Variants in FAM47C observed in about 807,000 individuals in gnomAD.
FAM47C encodes family with sequence similarity 47 member C, also known as putative protein FAM47C.
For synonymous variants in FAM47C, 307 were observed against 346.5 expected (o/e 0.89, Z 1.27); for missense variants, 847 against 879.9 (o/e 0.96, Z 0.47).
In FAM47C at chrX:37,010,791, G is replaced by A. The variant is rs147158965; in HGVS notation, c.2381G>A (p.Arg794His). Reference sequence around the variant, plus strand: ...CTCCACCTGGAGCCTCCCAAGACTCGTCGAGTGTCCAGTCTCCGCCTGGAG... The same window carrying A: ...CTCCACCTGGAGCCTCCCAAGACTCATCGAGTGTCCAGTCTCCGCCTGGAG... ...SSLHLEPPKT[R>H]RVSSLRLEPP... is the part of the protein sequence containing the mutation. Residue 794 changes from arginine to histidine, a missense_variant, in exon 1 of 1, where the codon CGT becomes CAT. By Grantham distance (29) the Arg-to-His change is conservative. Coordinates refer to ENST00000358047, the MANE Select transcript of FAM47C (RefSeq NM_001013736.3). The A allele has an allele frequency of 3.2e-5, 38 of 1,206,102 alleles. No individual in the cohort carries two copies. The highest frequency in any genetic ancestry group is 4.1e-5 in the Non-Finnish European group (37 of 893,689).
Position 37,010,140 on chromosome X carries a change from C to T in FAM47C, c.1730C>T (p.Thr577Ile), listed in dbSNP as rs1325060063. ...MYSLRPEPPD[T>I]GVSHLCPEPP... ...AGTCTCCGCCCGGAGCCTCCCGATA[C>T]TGGAGTGTCCCATCTCTGCCCAGAG... The change falls in exon 1 of 1, where the codon ACT becomes ATT. Residue 577 changes from threonine (T) to isoleucine (I), a missense_variant. Coordinates refer to ENST00000358047, the MANE Select transcript of FAM47C (RefSeq NM_001013736.3). 3 of 1,184,640 alleles carry T rather than the reference C, an allele frequency of 2.5e-6. No homozygotes were observed. The highest frequency in any genetic ancestry group is 2.3e-5 in the Admixed American group (1 of 43,072).
At position 37,010,459 on chromosome X, in the gene FAM47C, A is replaced by T. The variant is rs1208085441; in HGVS notation, c.2049A>T (p.Pro683=). 1 of 1,124,017 alleles carries T rather than the reference A, an allele frequency of 8.9e-7. No homozygotes were observed. Among genetic ancestry groups the T allele is most frequent in the African/African-American group, 2.6e-5 (1 of 38,203 alleles). 92.6% of individuals were successfully genotyped at this position (1,124,017 alleles called of 1,213,427 possible). Residue 683 remains proline (P), a synonymous_variant, in exon 1 of 1, where the codon CCA becomes CCT. Coordinates refer to ENST00000358047, the MANE Select transcript of FAM47C (RefSeq NM_001013736.3). ...TGVSHLCPEP[P]ETRVSHLRPE... The stretch of plus-strand genomic sequence containing the variant: ...TGTCCCATCTCTGCCCGGAGCCTCC[A>T]GAGACTCGCGTATCTCATCTCCGCC...
In FAM47C at chrX:37,010,581, C is replaced by T. The variant is rs781985985; in HGVS notation, c.2171C>T (p.Ser724Phe). ...LHAEPPESRV[S>F]HLCPEPPETG... ...GCGGAGCCTCCTGAGAGTCGCGTAT[C>T]TCATCTCTGCCCGGAGCCTCCTGAG... Residue 724 changes from serine (S) to phenylalanine (F), a missense_variant, in exon 1 of 1, where the codon TCT becomes TTT. Transcript: ENST00000358047. 3 of 1,201,009 alleles carry T rather than the reference C, an allele frequency of 2.5e-6. No homozygotes were observed. Among genetic ancestry groups the T allele is most frequent in the Non-Finnish European group, 3.4e-6 (3 of 892,073 alleles).
Position 37,009,998 on chromosome X carries a change from C to T in FAM47C, c.1588C>T (p.Leu530=). ...TCTCCGCCCAGAGCCTCCCAAGATT[C>T]TGGTGTCCAGTCTCCACCAGGCACC... ...SHLRPEPPKI[L]VSSLHQAPPE... is the part of the protein sequence containing the mutation. Residue 530 remains leucine (L), a synonymous_variant, in exon 1 of 1, where the codon CTG becomes TTG. Transcript: ENST00000358047. 5 of 1,202,256 alleles carry T rather than the reference C, an allele frequency of 4.2e-6. No individual in the cohort carries two copies. In the Admixed American group the frequency reaches 8.9e-5, roughly 21 times the overall value.
Position 37,010,639 on chromosome X carries a change from C to T in FAM47C, c.2229C>T (p.Pro743=). 2 of 1,207,062 alleles carry T rather than the reference C, an allele frequency of 1.7e-6. No individual in the cohort carries two copies. Among genetic ancestry groups the T allele is most frequent in the South Asian group, 1.8e-5 (1 of 56,651 alleles). The change falls in exon 1 of 1, where the codon CCC becomes CCT. Residue 743 remains proline, a synonymous_variant. Coordinates refer to ENST00000358047, the MANE Select transcript of FAM47C (RefSeq NM_001013736.3). ...TGTCCCATCTCCGCCCAGAGCCTCC[C>T]AAGCCTCGGGTTTCCAGTCTCCGCC... The part of the protein sequence containing the change: ...TGVSHLRPEP[P]KPRVSSLRPE...
chrX:37,010,682 C>T lies in FAM47C; in HGVS notation c.2272C>T (p.Arg758Cys), dbSNP rs145545779. ...TCTCCGCCCAGAGCCTCTTGAGACTCGCGTATCTCATCTCCGCCCGGAGCC... is the reference window on the plus strand; with the variant it reads ...TCTCCGCCCAGAGCCTCTTGAGACTTGCGTATCTCATCTCCGCCCGGAGCC... Reference protein sequence around the residue: ...SSLRPEPLETRVSHLRPEPPE... With the variant: ...SSLRPEPLETCVSHLRPEPPE... Residue 758 changes from arginine (R) to cysteine (C), a missense_variant, in exon 1 of 1, where the codon CGC becomes TGC. Transcript: ENST00000358047. 163 of 1,204,825 alleles carry T rather than the reference C, an allele frequency of 1.4e-4. No homozygotes were observed. The East Asian group carries it at 4.1e-3, about 30-fold the overall frequency.
In FAM47C at chrX:37,011,279, T is replaced by C. The variant is rs2146860451; in HGVS notation, c.2869T>C (p.Leu957=). The change falls in exon 1 of 1, where the codon TTG becomes CTG. Residue 957 remains leucine, a synonymous_variant. Coordinates refer to ENST00000358047, the MANE Select transcript of FAM47C (RefSeq NM_001013736.3). The part of the protein sequence containing the change: ...LGKKLRSDEP[L]IDPKLVLEKP... ...GAAAAAGCTAAGAAGTGATGAACCT[T>C]TGATTGACCCCAAGCTCGTACTTGA... 2 of 1,210,329 alleles carry C rather than the reference T, an allele frequency of 1.7e-6. No homozygotes were observed. Among genetic ancestry groups the C allele is most frequent in the East Asian group, 3.0e-5 (1 of 33,836 alleles).
rs782368082 is a variant in FAM47C, at chrX:37,010,283, A to T, written c.1873A>T (p.Thr625Ser). Reference sequence around the variant, plus strand: ...TCATCTCCGCCCAGAGCCTCCTGAGACTGGAGTGTCCCATCTCCGCCCAGA... The same window carrying T: ...TCATCTCCGCCCAGAGCCTCCTGAGTCTGGAGTGTCCCATCTCCGCCCAGA... ...VSHLRPEPPE[T>S]GVSHLRPEPP... The change falls in exon 1 of 1, where the codon ACT becomes TCT. Residue 625 changes from threonine to serine, a missense_variant. By Grantham distance (58) the Thr-to-Ser change is moderately conservative. Coordinates refer to ENST00000358047, the MANE Select transcript of FAM47C (RefSeq NM_001013736.3). The T allele has an allele frequency of 2.2e-5, 26 of 1,174,716 alleles. No homozygotes were observed. The Admixed American group carries it at 6.2e-4, about 28-fold the overall frequency.
chrX:37,010,641 A>C lies in FAM47C; in HGVS notation c.2231A>C (p.Lys744Thr). The change falls in exon 1 of 1, where the codon AAG becomes ACG. Residue 744 changes from lysine (K) to threonine (T), a missense_variant. Transcript: ENST00000358047. ...TCCCATCTCCGCCCAGAGCCTCCCA[A>C]GCCTCGGGTTTCCAGTCTCCGCCCA... ...GVSHLRPEPP[K>T]PRVSSLRPEP... The C allele has an allele frequency of 8.3e-7, 1 of 1,207,201 alleles. No homozygotes were observed. The highest frequency in any genetic ancestry group is 1.1e-6 in the Non-Finnish European group (1 of 894,252).
Position 37,010,300 on chromosome X carries a change from C to G in FAM47C, c.1890C>G (p.Leu630=). 8.4e-7 allele frequency: 1 copy of G among 1,189,361 alleles called. No homozygotes were observed. Among genetic ancestry groups the G allele is most frequent in the Non-Finnish European group, 1.1e-6 (1 of 888,847 alleles). The change falls in exon 1 of 1, where the codon CTC becomes CTG. Residue 630 remains leucine (L), a synonymous_variant. Coordinates refer to ENST00000358047, the MANE Select transcript of FAM47C (RefSeq NM_001013736.3). ...CTCCTGAGACTGGAGTGTCCCATCT[C>G]CGCCCAGAGCCTCCCAAGACTCGGA... is the stretch of plus-strand genomic sequence containing the variant. ...PEPPETGVSH[L]RPEPPKTRMY... is the part of the protein sequence containing the mutation.
At position 37,009,113 on chromosome X, in the gene FAM47C, C is replaced by G; in HGVS notation, c.703C>G (p.His235Asp). ...TCCCAAGACTCAGGTGTCCAGTCTC[C>G]ACCTGGAGCCTCCAGAGACTGGAGT... The part of the protein sequence containing the change: ...QPPKTQVSSL[H>D]LEPPETGVSH... The change falls in exon 1 of 1, where the codon CAC becomes GAC. Residue 235 changes from histidine (H) to aspartate (D), a missense_variant. Transcript: ENST00000358047. 8.3e-7 allele frequency: 1 copy of G among 1,209,814 alleles called. No homozygotes were observed. Among genetic ancestry groups the G allele is most frequent in the Non-Finnish European group, 1.1e-6 (1 of 894,718 alleles).
Position 37,008,812 on chromosome X carries a change from C to T in FAM47C, c.402C>T (p.Tyr134=), listed in dbSNP as rs782142057. The change falls in exon 1 of 1, where the codon TAC becomes TAT. Residue 134 remains tyrosine (Y), a synonymous_variant. Transcript: ENST00000358047. ...QLMTKHPLAM[Y]PNLGEDMPPD... ...TGACCAAGCATCCCTTGGCCATGTA[C>T]CCCAATCTGGGAGAAGATATGCCTC... 1.7e-6 allele frequency: 2 copies of T among 1,211,542 alleles called. No homozygotes were observed. Among genetic ancestry groups the T allele is most frequent in the South Asian group, 1.8e-5 (1 of 56,900 alleles).
rs781793758 is a variant in FAM47C, at chrX:37,009,331, C to T, written c.921C>T (p.Cys307=). 5.0e-6 allele frequency: 6 copies of T among 1,209,049 alleles called. No individual in the cohort carries two copies. In the South Asian group the frequency reaches 1.1e-4, roughly 21 times the overall value. The change falls in exon 1 of 1, where the codon TGC becomes TGT. Residue 307 remains cysteine, a synonymous_variant. Coordinates refer to ENST00000358047, the MANE Select transcript of FAM47C (RefSeq NM_001013736.3). ...CTGAGACTGGAGTGCCTGATCTCTG[C>T]CTGGAGCCTCCCAAGTCACGCGTAT... ...EPPETGVPDL[C]LEPPKSRVSH... is the part of the protein sequence containing the mutation.
chrX:37,009,014 C>G lies in FAM47C; in HGVS notation c.604C>G (p.Pro202Ala). 8.3e-7 allele frequency: 1 copy of G among 1,211,772 alleles called. No individual in the cohort carries two copies. The highest frequency in any genetic ancestry group is 1.1e-6 in the Non-Finnish European group (1 of 895,361). Residue 202 changes from proline to alanine, a missense_variant, in exon 1 of 1, where the codon CCT becomes GCT. By Grantham distance (27) the Pro-to-Ala change is conservative. Transcript: ENST00000358047. ...TCGGGTGTCCTGTCTCCCCCCGGAG[C>G]CTCCCAAGACTCCGGTGTCCAGTCT... The part of the protein sequence containing the change: ...ETRVSCLPPE[P>A]PKTPVSSLRP...
chrX:37,011,320 C>G lies in FAM47C; in HGVS notation c.2910C>G (p.Pro970=), dbSNP rs41311787. The G allele has an allele frequency of 6.7e-3, 8,108 of 1,208,426 alleles. 28 individuals are homozygous for G. The highest frequency in any genetic ancestry group is 8.0e-3 in the Non-Finnish European group (7,183 of 894,571). ...PKLVLEKPDE[P]DILDGLYGPI... is the part of the protein sequence containing the mutation. ...TCGTACTTGAAAAGCCTGATGAACC[C>G]GACATTCTTGACGGTCTTTATGGAC... The change falls in exon 1 of 1, where the codon CCC becomes CCG. Residue 970 remains proline (P), a synonymous_variant. Coordinates refer to ENST00000358047, the MANE Select transcript of FAM47C (RefSeq NM_001013736.3).
Position 37,009,830 on chromosome X carries a change from C to A in FAM47C, c.1420C>A (p.Leu474Ile), listed in dbSNP as rs150397226. 1,016 of 1,202,581 alleles carry A rather than the reference C, an allele frequency of 8.4e-4. 3 individuals are homozygous for A. The African/African-American group carries it at 0.016, about 19-fold the overall frequency. ...LEPPETGVSH[L>I]CPEPPEKDVS... Reference sequence around the variant, plus strand: ...GCCTCCTGAGACTGGAGTGTCCCATCTCTGCCCGGAGCCTCCAGAGAAGGA... The same window carrying A: ...GCCTCCTGAGACTGGAGTGTCCCATATCTGCCCGGAGCCTCCAGAGAAGGA... Residue 474 changes from leucine (L) to isoleucine (I), a missense_variant, in exon 1 of 1, where the codon CTC (leucine) becomes ATC (isoleucine). By Grantham distance (5) the Leu-to-Ile change is conservative. Coordinates refer to ENST00000358047, the MANE Select transcript of FAM47C (RefSeq NM_001013736.3).
rs1556331968 is a variant in FAM47C, at chrX:37,009,289, T to A, written c.879T>A (p.His293Gln). 1 of 1,209,026 alleles carries A rather than the reference T, an allele frequency of 8.3e-7. No homozygotes were observed. The highest frequency in any genetic ancestry group is 1.8e-5 in the South Asian group (1 of 56,767). Residue 293 changes from histidine to glutamine, a missense_variant, in exon 1 of 1, where the codon CAT becomes CAA. Transcript: ENST00000358047. ...CPEPPKTRVS[H>Q]LHREPPETGV... The stretch of plus-strand genomic sequence containing the variant: ...AGCCTCCCAAGACTCGCGTATCTCA[T>A]CTCCATCGGGAGCCTCCTGAGACTG...
At position 37,009,566 on chromosome X, in the gene FAM47C, C is replaced by A. The variant is rs782789871; in HGVS notation, c.1156C>A (p.Arg386Ser). Residue 386 changes from arginine to serine, a missense_variant, in exon 1 of 1, where the codon CGC becomes AGC. Transcript: ENST00000358047. The stretch of plus-strand genomic sequence containing the variant: ...TCTCTGCCCGGAACCTCCCAAGACT[C>A]GCGTACCTCCTCTCCGCCCAGAGAC... The part of the protein sequence containing the change: ...SHLCPEPPKT[R>S]VPPLRPETPK... 3 of 1,204,534 alleles carry A rather than the reference C, an allele frequency of 2.5e-6. No homozygotes were observed. Among genetic ancestry groups the A allele is most frequent in the Non-Finnish European group, 2.2e-6 (2 of 893,508 alleles).
Position 37,011,312 on chromosome X carries a change from G to C in FAM47C, c.2902G>C (p.Asp968His). The change falls in exon 1 of 1, where the codon GAT becomes CAT. Residue 968 changes from aspartate to histidine, a missense_variant. By Grantham distance (81) the Asp-to-His change is moderately conservative (BLOSUM62 -1). Coordinates refer to ENST00000358047, the MANE Select transcript of FAM47C (RefSeq NM_001013736.3). ...IDPKLVLEKP[D>H]EPDILDGLYG... Reference sequence around the variant, plus strand: ...CCCCAAGCTCGTACTTGAAAAGCCTGATGAACCCGACATTCTTGACGGTCT... The same window carrying C: ...CCCCAAGCTCGTACTTGAAAAGCCTCATGAACCCGACATTCTTGACGGTCT... 1.7e-6 allele frequency: 2 copies of C among 1,210,026 alleles called. No homozygotes were observed. The highest frequency in any genetic ancestry group is 2.2e-6 in the Non-Finnish European group (2 of 894,807).
Sources: allele counts gnomAD v4.1 joint callset, GRCh38; gene constraint gnomAD v4.1.1; transcripts MANE v1.5; gene names NCBI Gene and HGNC (gene_info 2026-07-23, HGNC 2026-07-21).